The following CACNA2D2 variants were observed in gnomAD, a reference collection of about 807,000 sequenced individuals.
The protein encoded by CACNA2D2 is voltage-dependent calcium channel subunit alpha-2/delta-2.
A neutral mutation model predicts 166.4 loss-of-function variants in CACNA2D2; 48 were observed. The observed-to-expected ratio is 0.29, with a 90% CI of 0.23 to 0.37. The LOEUF is 0.37. Ranked by LOEUF, CACNA2D2 falls within the 10% of genes least tolerant of loss-of-function variation. CACNA2D2 has a pLI of 1.00. For missense variants in CACNA2D2, 1,122 were observed against 1,433.0 expected (o/e 0.78, Z 3.50); for synonymous variants, 561 against 573.7 (o/e 0.98, Z 0.32).
chr3:50,489,439 TC>T (rs1462507651), intron 1 of CACNA2D2, among the ~76,000 whole-genome samples: 1 of 152,108 alleles, frequency 6.6e-6, no homozygotes, highest in East Asian at 1.9e-4. Flanking sequence ...CACAACCCCC[TC>T]CCCAGCTGTT....
intron 4 of CACNA2D2, among the ~76,000 whole-genome samples, chr3:50,393,880 C>T (rs539010984): frequency 1.2e-4 from 19 of 152,334 alleles, no homozygotes; most frequent in African/African-American, 4.3e-4. Flanking sequence ...TTCCCACTCA[C>T]GGGTGACTCC....
intron 2 of CACNA2D2, among the ~76,000 whole-genome samples, chr3:50,453,784 A>G (rs905310401): frequency 5.3e-5 from 8 of 152,214 alleles, no homozygotes; most frequent in African/African-American, 1.9e-4. Context: ...TGAGGGCTTC[A>G]GACAGGTAGA....
rs781618684 is a variant in CACNA2D2 at position 50,367,791 on chromosome 3, C to T, written c.2234+21G>A. ...TGGGCCCATCCTAGCCTTCTGCCCCCACAGGCTGGGTGATGCCTACGTGTT... is the reference window on the plus strand; with the variant it reads ...TGGGCCCATCCTAGCCTTCTGCCCCTACAGGCTGGGTGATGCCTACGTGTT... On this transcript the variant is annotated intron_variant, in intron 25 of 37. Coordinates refer to ENST00000424201, the MANE Select transcript of CACNA2D2 (RefSeq NM_006030.4). The surrounding 1 kb of genome is among the most constrained non-coding windows in gnomAD (Gnocchi z 6.5). 2 of 1,612,812 alleles carry T rather than the reference C, an allele frequency of 1.2e-6. No homozygotes were observed. The highest frequency in any genetic ancestry group is 1.1e-5 in the South Asian group (1 of 91,000).
In CACNA2D2 at chr3:50,415,050, C is replaced by T. The variant is rs1216559289; in HGVS notation, c.405+19263G>A. ...CAGCAGAAAGGCCTCCCGGAGAACG[C>T]GGGTCATGGGGGCCAACACTCTCCA... On this transcript the variant is annotated intron_variant, in intron 3 of 37. Coordinates refer to ENST00000424201, the MANE Select transcript of CACNA2D2 (RefSeq NM_006030.4). 6.6e-5 allele frequency among the ~76,000 whole-genome samples: 10 copies of T among 152,312 alleles called. No homozygotes were observed. The East Asian group carries it at 7.7e-4, about 12-fold the overall frequency.
At chr3:50,487,887 CCTA>C (rs997776095) in intron 1 of CACNA2D2, among the ~76,000 whole-genome samples, 18 of 152,306 alleles carry the variant, frequency 1.2e-4, no homozygotes, top group African/African-American at 4.3e-4. Context: ...TAACCATGTA[CCTA>C]CTATGGGCAC....
intron 2 of CACNA2D2, among the ~76,000 whole-genome samples, chr3:50,443,260 C>T (rs1414665723): frequency 6.6e-6 from 1 of 151,964 alleles, no homozygotes; most frequent in Non-Finnish European, 1.5e-5. Flanking sequence ...GCCCCCTTGC[C>T]ACCCACCCTG....
chr3:50,475,951 G>A (rs977797107), intron 2 of CACNA2D2, among the ~76,000 whole-genome samples, 167 bp downstream of exon 2: 3 of 152,210 alleles, frequency 2.0e-5, no homozygotes, highest in African/African-American at 7.2e-5. Flanking sequence ...AGGCCCCAGA[G>A]GAGTGCTGCC....
chr3:50,379,389 C>T lies in CACNA2D2; in HGVS notation c.1152+43G>A, dbSNP rs754539855. Reference sequence around the variant, plus strand: ...TTCCTGGGTACACCAAGCCAGGGCCCTCTACTCCCCCAGCCGCCCACTTGC... The same window carrying T: ...TTCCTGGGTACACCAAGCCAGGGCCTTCTACTCCCCCAGCCGCCCACTTGC... On this transcript the variant is annotated intron_variant, in intron 11 of 37. Transcript: ENST00000424201. The surrounding 1 kb of genome is among the most constrained non-coding windows in gnomAD (Gnocchi z 6.5). The T allele has an allele frequency of 4.4e-6, 7 of 1,605,216 alleles. No individual in the cohort carries two copies. The South Asian group carries it at 7.7e-5, about 18-fold the overall frequency.
chr3:50,399,983 CCTGCCT>C (rs916519377), intron 3 of CACNA2D2, among the ~76,000 whole-genome samples: 23 of 152,308 alleles, frequency 1.5e-4, no homozygotes, highest in Non-Finnish European at 2.6e-4. Flanking sequence ...CCCAGCAGCC[CCTGCCT>C]AGCCCAGCAC....
intron 2 of CACNA2D2, among the ~76,000 whole-genome samples, chr3:50,474,030 C>G (rs1710207175): frequency 6.6e-6 from 1 of 152,248 alleles, no homozygotes; most frequent in Non-Finnish European, 1.5e-5. Flanking sequence ...TCTGGCCCAG[C>G]TCCCTACTGC....
chr3:50,382,787 C>T (rs978398901), intron 6 of CACNA2D2, among the ~76,000 whole-genome samples: 2 of 152,220 alleles, frequency 1.3e-5, no homozygotes, highest in Admixed American at 6.5e-5. Context: ...TGCATAATGA[C>T]AGGCTTAGAG....
At chr3:50,461,269 T>C (rs1709572434) in intron 2 of CACNA2D2, among the ~76,000 whole-genome samples, 1 of 152,168 alleles carries the variant, frequency 6.6e-6, no homozygotes, top group Non-Finnish European at 1.5e-5. Context: ...CCATAGCAAC[T>C]CAAGAAGCTG....
At chr3:50,441,558 G>C (rs1708600997) in intron 2 of CACNA2D2, among the ~76,000 whole-genome samples, 2 of 152,258 alleles carry the variant, frequency 1.3e-5, no homozygotes, top group African/African-American at 4.8e-5. Flanking sequence ...GCTTGCCCCT[G>C]TGCAGAGCCT....
chr3:50,397,614 T>C (rs1259425943), intron 3 of CACNA2D2, among the ~76,000 whole-genome samples: 1 of 152,192 alleles, frequency 6.6e-6, no homozygotes, highest in Non-Finnish European at 1.5e-5. Context: ...ACATAGTAAC[T>C]GCACCCACTC....
chr3:50,491,395 G>A (rs1698514494), intron 1 of CACNA2D2, among the ~76,000 whole-genome samples: 1 of 152,176 alleles, frequency 6.6e-6, no homozygotes, highest in Non-Finnish European at 1.5e-5. Context: ...AAGGGCCAAG[G>A]GGAGGCCCAC....
At position 50,503,279 on chromosome 3, in the gene CACNA2D2, G is replaced by A. The variant is rs1699060911; in HGVS notation, c.145C>T (p.Pro49Ser). The change falls in exon 1 of 38, where the codon CCG becomes TCG. Residue 49 changes from proline (P) to serine (S), a missense_variant. Physicochemically the swap from Pro to Ser is moderately conservative, Grantham distance 74. Transcript: ENST00000424201. ...GGGGCGGCGAGCAGCGGTAGAAGCG[G>A]CAGCAGCAGCCACAGCGGGCGCGGG... is the stretch of plus-strand genomic sequence containing the variant. ...GPPRPLWLLL[P>S]LLPLLAAPGA... 1.7e-6 allele frequency: 2 copies of A among 1,163,340 alleles called. No homozygotes were observed. The highest frequency in any genetic ancestry group is 2.1e-6 in the Non-Finnish European group (2 of 936,276). The allele number at this position is 1,163,340 out of a possible 1,614,324, so 72.1% of individuals were successfully genotyped here. A position where few individuals can be genotyped will look rare whatever the true frequency, so the allele number is the denominator to read the frequency against.
intron 2 of CACNA2D2, among the ~76,000 whole-genome samples, chr3:50,440,169 C>T (rs903616297): frequency 1.3e-5 from 2 of 152,346 alleles, no homozygotes; most frequent in East Asian, 3.9e-4. Flanking sequence ...CCTAATCTGG[C>T]TGCTCTGGGG....
intron 1 of CACNA2D2, among the ~76,000 whole-genome samples, chr3:50,487,434 C>G (rs1182174557): frequency 6.6e-6 from 1 of 152,210 alleles, no homozygotes; most frequent in Non-Finnish European, 1.5e-5. Flanking sequence ...GAGCCTGAGC[C>G]AGGTATGGGG....
At chr3:50,455,514 T>C (rs1226016149) in intron 2 of CACNA2D2, among the ~76,000 whole-genome samples, 1 of 152,266 alleles carries the variant, frequency 6.6e-6, no homozygotes, top group Non-Finnish European at 1.5e-5. Flanking sequence ...ACTTTGGCGA[T>C]GCACGGTTAT....
Sources: gnomAD v4.1 joint callset for allele counts (sites outside exome capture counted in the v4.1 genomes callset) on GRCh38, gnomAD v4.1.1 for gene constraint, Gnocchi (gnomAD v3.1) non-coding constraint, MANE v1.5 for transcripts, NCBI Gene and HGNC (gene_info 2026-07-23, HGNC 2026-07-21) for gene names.